KCNS3: variants seen among roughly 807,000 people sequenced by gnomAD.
KCNS3 encodes potassium voltage-gated channel modifier subfamily S member 3.
KCNS3 carries 13 observed loss-of-function variants against 31.0 expected under a neutral mutation model. That is an observed-to-expected ratio of 0.42 (90% CI 0.27 to 0.67). KCNS3 has a LOEUF of 0.67. Among genes scored for constraint, KCNS3 ranks in the 30% least tolerant of loss-of-function variants. The pLI, the probability that KCNS3 is intolerant of heterozygous loss-of-function variation, is 0.25. For synonymous variants in KCNS3, 238 were observed against 241.5 expected, an observed-to-expected ratio of 0.99 and a Z score of 0.13; for missense variants, 545 against 622.4, an observed-to-expected ratio of 0.88 and a Z score of 1.32.
At chr2:17,886,057 C>T (rs749100202) in intron 1 of KCNS3, among the ~76,000 whole-genome samples, 8 of 152,082 alleles carry the variant, frequency 5.3e-5, no homozygotes, top group Non-Finnish European at 1.0e-4. Flanking sequence ...CAAACAGGGC[C>T]ATAGAACGGA....
chr2:17,884,291 A>ATATATATATATATATATATT (rs1674718898), intron 1 of KCNS3, among the ~76,000 whole-genome samples: 1 of 139,034 alleles, frequency 7.2e-6, no homozygotes, highest in African/African-American at 2.6e-5. Context: ...ATATATATAT[A>ATATATATATATATATATATT]TATATATATA....
chr2:17,909,972 T>C (rs1662433426), intron 1 of KCNS3, among the ~76,000 whole-genome samples: 1 of 152,218 alleles, frequency 6.6e-6, no homozygotes, highest in African/African-American at 2.4e-5. Context: ...ACAGGATCTC[T>C]AGCTAAAGGA....
At position 17,931,349 on chromosome 2, in the gene KCNS3, A is replaced by C. The variant is rs1162727069; in HGVS notation, c.341A>C (p.Asp114Ala). 1 of 1,614,188 alleles carries C rather than the reference A, an allele frequency of 6.2e-7. No individual in the cohort carries two copies. ...EYWGINELFI[D>A]SCCSNRYQER... is the part of the protein sequence containing the mutation. ...TGGGGCATCAACGAGCTCTTCATTG[A>C]TTCTTGCTGCAGCAATCGCTACCAG... is the stretch of plus-strand genomic sequence containing the variant. Residue 114 changes from aspartate (D) to alanine (A), a missense_variant, in exon 3 of 3, where the codon GAT becomes GCT. Transcript: ENST00000304101. The surrounding 1 kb of genome is among the most constrained non-coding windows in gnomAD (Gnocchi z 5.4).
intron 1 of KCNS3, among the ~76,000 whole-genome samples, chr2:17,903,837 T>A (rs1218786433): frequency 2.0e-5 from 3 of 152,194 alleles, no homozygotes; most frequent in Non-Finnish European, 4.4e-5. Context: ...TGTGCCACAT[T>A]TTCTTAATCC....
At chr2:17,924,163 T>C (rs190004158) in intron 2 of KCNS3, among the ~76,000 whole-genome samples, 1 of 152,066 alleles carries the variant, frequency 6.6e-6, no homozygotes, top group East Asian at 1.9e-4. Context: ...ATTTGTATTA[T>C]TGCTAGTATA....
Position 17,930,979 on chromosome 2 carries a change from C to T in KCNS3, c.-30C>T, listed in dbSNP as rs779459188. On this transcript the variant is annotated 5_prime_UTR_variant, in exon 3 of 3. Coordinates refer to ENST00000304101, the MANE Select transcript of KCNS3 (RefSeq NM_002252.5). Reference sequence around the variant, plus strand: ...AGCCTGATCTTCCTCTTCTCCCTTGCCAGCCAGCACTCTGCCTTCTGTATC... The same window carrying T: ...AGCCTGATCTTCCTCTTCTCCCTTGTCAGCCAGCACTCTGCCTTCTGTATC... 5.0e-6 allele frequency: 8 copies of T among 1,594,354 alleles called. No homozygotes were observed. In the South Asian group the frequency reaches 6.8e-5, roughly 14 times the overall value.
At chr2:17,884,270 T>A (rs895611212) in intron 1 of KCNS3, among the ~76,000 whole-genome samples, 574 of 33,612 alleles carry the variant, frequency 0.017, 4 homozygotes, top group African/African-American at 0.048. Flanking sequence ...AAAAAAAAAA[T>A]ATATATATAT....
At chr2:17,884,982 A>T (rs1382078845) in intron 1 of KCNS3, among the ~76,000 whole-genome samples, 1 of 118,880 alleles carries the variant, frequency 8.4e-6, no homozygotes. Context: ...TAATTTTTTT[A>T]AAAATGCAGT....
chr2:17,900,776 C>T (rs966437097), intron 1 of KCNS3, among the ~76,000 whole-genome samples: 1 of 152,138 alleles, frequency 6.6e-6, no homozygotes, highest in Non-Finnish European at 1.5e-5. Flanking sequence ...AGGCATGAAC[C>T]ACCGCGTCTG....
intron 1 of KCNS3, among the ~76,000 whole-genome samples, chr2:17,892,107 G>A (rs1486901102): frequency 1.3e-5 from 2 of 151,960 alleles, no homozygotes; most frequent in Admixed American, 1.3e-4. Context: ...ACTTCTTAGA[G>A]GCTTTGTTCA....
chr2:17,878,323 G>C (rs1674552898), upstream of KCNS3, among the ~76,000 whole-genome samples: 1 of 152,118 alleles, frequency 6.6e-6, no homozygotes, highest in East Asian at 1.9e-4. Context: ...TTCCGGCCCA[G>C]GAGGGCGCGC....
At chr2:17,930,269 G>T (rs1045932893) in intron 2 of KCNS3, among the ~76,000 whole-genome samples, 1 of 152,114 alleles carries the variant, frequency 6.6e-6, no homozygotes, top group Non-Finnish European at 1.5e-5. Flanking sequence ...TTTTCATGTG[G>T]ATGTTCCTGA....
chr2:17,893,979 T>G (rs1661925982), intron 1 of KCNS3, among the ~76,000 whole-genome samples: 1 of 142,166 alleles, frequency 7.0e-6, no homozygotes, highest in Non-Finnish European at 1.5e-5. Flanking sequence ...TATATCTATG[T>G]ATGGGGGTTT....
intron 2 of KCNS3, among the ~76,000 whole-genome samples, chr2:17,926,657 A>G (rs1269709786): frequency 2.6e-5 from 4 of 152,234 alleles, no homozygotes; most frequent in Admixed American, 6.5e-5. Context: ...CCTTATAGCC[A>G]TGACTGGAGC....
chr2:17,900,768 G>T (rs1030035008), intron 1 of KCNS3, among the ~76,000 whole-genome samples: 1 of 152,076 alleles, frequency 6.6e-6, no homozygotes. Flanking sequence ...GGGATTACAG[G>T]CATGAACCAC....
chr2:17,917,203 C>T (rs1275387523), intron 1 of KCNS3, among the ~76,000 whole-genome samples: 1 of 152,134 alleles, frequency 6.6e-6, no homozygotes, highest in Non-Finnish European at 1.5e-5. Flanking sequence ...TTTGGCCAGC[C>T]TTTGAAATCT....
At chr2:17,885,323 C>T (rs1661620731) in intron 1 of KCNS3, among the ~76,000 whole-genome samples, 1 of 152,162 alleles carries the variant, frequency 6.6e-6, no homozygotes, top group Non-Finnish European at 1.5e-5. Context: ...GAGACGCTTC[C>T]TCTGTACGCA....
intron 2 of KCNS3, among the ~76,000 whole-genome samples, chr2:17,925,509 A>C (rs1034468436): frequency 9.9e-5 from 15 of 152,192 alleles, no homozygotes; most frequent in African/African-American, 3.6e-4. Context: ...AAAGAGATTT[A>C]ATTGACTCAC....
chr2:17,877,963 T>A (rs1187290753), upstream of KCNS3: 1 of 152,150 alleles, frequency 6.6e-6, no homozygotes, highest in Non-Finnish European at 1.5e-5. Flanking sequence ...CATTCGTCCT[T>A]CCGAAAGGGG....
Sources: allele counts gnomAD v4.1 joint callset (sites outside exome capture counted in the v4.1 genomes callset), GRCh38; gene constraint gnomAD v4.1.1; non-coding constraint Gnocchi (gnomAD v3.1); transcripts MANE v1.5; gene names NCBI Gene and HGNC (gene_info 2026-07-23, HGNC 2026-07-21).